TSHZ2: variants seen among roughly 807,000 people sequenced by gnomAD.
The protein encoded by TSHZ2 is teashirt zinc finger homeobox 2, also known as teashirt homolog 2.
In TSHZ2, 21 loss-of-function variants were observed where a neutral mutation model predicts 74.4. That is an observed-to-expected ratio of 0.28 (90% confidence interval 0.20 to 0.41). The LOEUF (loss-of-function observed/expected upper bound fraction) is 0.41, where lower values mean the gene tolerates loss of function less well. TSHZ2 is among the 10% of genes least tolerant of loss of function. The pLI is 1.00. For missense variants in TSHZ2, 1,244 were observed against 1,293.5 expected (o/e 0.96, Z 0.59); for synonymous variants, 540 against 515.3 (o/e 1.05, Z -0.65).
At chr20:53,097,655 T>A (rs994368607) in intron 1 of TSHZ2, 1 of 152,554 alleles carries the variant, frequency 6.6e-6, no homozygotes, top group African/African-American at 2.4e-5. Context: ...GAAAACCAGA[T>A]GTGAGGACGA....
At chr20:53,484,682 G>C (rs7262233) in intron 2 of TSHZ2, among the ~76,000 whole-genome samples, 1 of 151,992 alleles carries the variant, frequency 6.6e-6, no homozygotes, top group Non-Finnish European at 1.5e-5. Context: ...CACCATGCTC[G>C]TCCTTTATCT....
At chr20:53,293,154 A>G (rs145763150) in intron 2 of TSHZ2, among the ~76,000 whole-genome samples, 56 of 152,338 alleles carry the variant, frequency 3.7e-4, no homozygotes, top group Admixed American at 8.5e-4. Context: ...TGGCATTTCT[A>G]TACTTTTTAG....
intron 2 of TSHZ2, among the ~76,000 whole-genome samples, chr20:53,322,059 C>T (rs940075317): frequency 2.0e-5 from 3 of 152,160 alleles, no homozygotes; most frequent in Non-Finnish European, 4.4e-5. Context: ...GATCTCAGCA[C>T]CTTGCCATTC....
At chr20:53,348,571 G>A (rs1008947004) in intron 2 of TSHZ2, among the ~76,000 whole-genome samples, 5 of 151,674 alleles carry the variant, frequency 3.3e-5, no homozygotes, top group Non-Finnish European at 7.4e-5. Context: ...AAGAAACAAA[G>A]AAACAAAAAT....
chr20:53,184,988 C>T (rs1006049744), intron 1 of TSHZ2, among the ~76,000 whole-genome samples: 27 of 152,216 alleles, frequency 1.8e-4, no homozygotes, highest in Admixed American at 1.7e-3. Flanking sequence ...GGATTACAGG[C>T]TTAAATATTC....
intron 1 of TSHZ2, among the ~76,000 whole-genome samples, chr20:53,134,676 G>A (rs565805005): frequency 1.5e-4 from 23 of 152,232 alleles, no homozygotes; most frequent in African/African-American, 3.4e-4. Flanking sequence ...ATAGCTACAC[G>A]GACAACTCGG....
At chr20:53,292,573 G>A (rs1027988404) in intron 2 of TSHZ2, among the ~76,000 whole-genome samples, 5 of 151,358 alleles carry the variant, frequency 3.3e-5, no homozygotes, top group African/African-American at 7.3e-5. Context: ...TCAGTCTCCC[G>A]AGTAGTTGGG....
chr20:53,147,889 G>T (rs1987581395), intron 1 of TSHZ2, among the ~76,000 whole-genome samples: 1 of 152,120 alleles, frequency 6.6e-6, no homozygotes, highest in South Asian at 2.1e-4. Flanking sequence ...GCTAACTTTT[G>T]TATTTTTAGT....
At chr20:53,352,501 T>C (rs757746263) in intron 2 of TSHZ2, among the ~76,000 whole-genome samples, 7 of 152,010 alleles carry the variant, frequency 4.6e-5, no homozygotes, top group African/African-American at 7.2e-5. Context: ...GTGGGAAGTC[T>C]GGGGGCGGTG....
intron 1 of TSHZ2, among the ~76,000 whole-genome samples, chr20:53,128,619 G>C (rs1568772986): frequency 6.6e-6 from 1 of 151,036 alleles, no homozygotes; most frequent in Non-Finnish European, 1.5e-5. Flanking sequence ...CCAGAGAAAT[G>C]AGCAGGAGCA....
intron 2 of TSHZ2, among the ~76,000 whole-genome samples, chr20:53,417,621 T>A (rs1331146028): frequency 6.6e-6 from 1 of 152,120 alleles, no homozygotes; most frequent in Non-Finnish European, 1.5e-5. Flanking sequence ...TTTTTTAGAA[T>A]AACGTGATAG....
chr20:53,007,036 C>T (rs1458972474), intron 1 of TSHZ2, among the ~76,000 whole-genome samples: 1 of 152,120 alleles, frequency 6.6e-6, no homozygotes, highest in Non-Finnish European at 1.5e-5. Flanking sequence ...GTAAATTTCT[C>T]AATAATTCTT....
At chr20:53,162,019 C>CT (rs1987952763) in intron 1 of TSHZ2, among the ~76,000 whole-genome samples, 1 of 152,122 alleles carries the variant, frequency 6.6e-6, no homozygotes, top group Admixed American at 6.5e-5. Context: ...CACATAGTGA[C>CT]TATATGGCAA....
intron 2 of TSHZ2, among the ~76,000 whole-genome samples, chr20:53,265,580 C>T (rs1282139769): frequency 1.3e-5 from 2 of 152,280 alleles, no homozygotes; most frequent in East Asian, 3.9e-4. Context: ...GTATAATAGG[C>T]GCCATGGCAG....
chr20:53,255,402 G>A lies in TSHZ2; in HGVS notation c.1944G>A (p.Leu648=). 1 of 1,613,748 alleles carries A rather than the reference G, an allele frequency of 6.2e-7. No individual in the cohort carries two copies. The highest frequency in any genetic ancestry group is 8.5e-7 in the Non-Finnish European group (1 of 1,180,014). The part of the protein sequence containing the change: ...ETPPEAKKTE[L]GPLKEEEKLM... ...CTCCAGAAGCCAAAAAGACCGAGCT[G>A]GGTCCCCTGAAGGAGGAGGAGAAGC... is the stretch of plus-strand genomic sequence containing the variant. The change falls in exon 2 of 3, where the codon CTG becomes CTA. Residue 648 remains leucine (L), a synonymous_variant. Coordinates refer to ENST00000371497, the MANE Select transcript of TSHZ2 (RefSeq NM_173485.6). The surrounding 1 kb of genome is among the most constrained non-coding windows in gnomAD (Gnocchi z 4.1).
chr20:53,145,200 C>A (rs990910492), intron 1 of TSHZ2, among the ~76,000 whole-genome samples: 3 of 152,184 alleles, frequency 2.0e-5, no homozygotes, highest in African/African-American at 7.2e-5. Flanking sequence ...AGAGAAATTT[C>A]TCCCATGGTT....
intron 2 of TSHZ2, among the ~76,000 whole-genome samples, chr20:53,419,578 C>G (rs1290827769): frequency 6.6e-6 from 1 of 152,140 alleles, no homozygotes; most frequent in Non-Finnish European, 1.5e-5. Context: ...CTAAGTTTGC[C>G]CACTCTATAA....
intron 1 of TSHZ2, among the ~76,000 whole-genome samples, chr20:53,053,405 G>C (rs1229574942): frequency 1.3e-5 from 2 of 152,056 alleles, no homozygotes; most frequent in African/African-American, 4.8e-5. Flanking sequence ...TCTACCAAAT[G>C]TGCTTAGGTT....
chr20:53,396,461 C>G (rs1982449683), intron 2 of TSHZ2, among the ~76,000 whole-genome samples: 1 of 152,072 alleles, frequency 6.6e-6, no homozygotes, highest in Admixed American at 6.6e-5. Context: ...AAAAATGAAA[C>G]AGTCAGCATA....
Sources: gnomAD v4.1 joint callset for allele counts (sites outside exome capture counted in the v4.1 genomes callset) on GRCh38, gnomAD v4.1.1 for gene constraint, Gnocchi (gnomAD v3.1) non-coding constraint, MANE v1.5 for transcripts, NCBI Gene and HGNC (gene_info 2026-07-23, HGNC 2026-07-21) for gene names.